The following TM6SF1 variants were observed in gnomAD, a reference collection of about 807,000 sequenced individuals.
The protein encoded by TM6SF1 is transmembrane 6 superfamily member 1.
Under a neutral mutation model 47.1 loss-of-function variants are expected in TM6SF1, and 43 were observed. That is an observed-to-expected ratio of 0.91 (90% CI 0.72 to 1.18). TM6SF1 has a LOEUF of 1.18. Among genes scored for constraint, TM6SF1 ranks in the 50% most tolerant of loss-of-function variants. TM6SF1 has a pLI of 0.00. For missense variants in TM6SF1, 390 were observed against 449.0 expected (o/e 0.87, Z 1.19); for synonymous variants, 177 against 166.3 (o/e 1.06, Z -0.49).
intron 3 of TM6SF1, among the ~76,000 whole-genome samples, chr15:83,116,591 G>A (rs1165463245): frequency 6.6e-6 from 1 of 152,214 alleles, no homozygotes; most frequent in Non-Finnish European, 1.5e-5. Context: ...TCCTGTCTGT[G>A]AGGGAAGATT....
chr15:83,119,505 T>G, intron 3 of TM6SF1, 73 bp from the exon 4 acceptor site: 1 of 1,443,204 alleles, frequency 6.9e-7, no homozygotes, highest in Non-Finnish European at 9.6e-7. Context: ...TTTATTTTAC[T>G]TGCAATACAG....
intron 1 of TM6SF1, among the ~76,000 whole-genome samples, chr15:83,109,595 A>G (rs979975505): frequency 2.6e-5 from 4 of 152,218 alleles, no homozygotes; most frequent in South Asian, 2.1e-4. Flanking sequence ...CTGCTTCCCC[A>G]TAAGTCCTGG....
At chr15:83,134,800 A>G (rs139459722) in intron 9 of TM6SF1, 2 of 152,336 alleles carry the variant, frequency 1.3e-5, no homozygotes, top group Admixed American at 1.3e-4. Flanking sequence ...TCCAGAGAAA[A>G]TGCTTGGTTA....
chr15:83,116,841 A>G (rs1470795143), intron 3 of TM6SF1, among the ~76,000 whole-genome samples: 1 of 152,228 alleles, frequency 6.6e-6, no homozygotes, highest in Non-Finnish European at 1.5e-5. Flanking sequence ...GGCCTAAGAC[A>G]GTGTCCTGAT....
intron 1 of TM6SF1, among the ~76,000 whole-genome samples, chr15:83,109,475 T>G (rs923163923): frequency 6.6e-6 from 1 of 152,224 alleles, no homozygotes; most frequent in African/African-American, 2.4e-5. Flanking sequence ...TGGCAAGCAC[T>G]ACAGCATTTT....
In TM6SF1 at chr15:83,136,617, G is replaced by A; in HGVS notation, c.1058G>A (p.Cys353Tyr). 1 of 1,612,012 alleles carries A rather than the reference G, an allele frequency of 6.2e-7. No homozygotes were observed. The highest frequency in any genetic ancestry group is 2.2e-5 in the East Asian group (1 of 44,846). Reference sequence around the variant, plus strand: ...CTTCCTCAGCTCTTGGCCTATCGTTGTATCTACAAACCAGAGTTCTTCATA... The same window carrying A: ...CTTCCTCAGCTCTTGGCCTATCGTTATATCTACAAACCAGAGTTCTTCATA... ...GVLPQLLAYR[C>Y]IYKPEFFIKT... The change falls in exon 10 of 10, where the codon TGT becomes TAT. Residue 353 changes from cysteine (C) to tyrosine (Y), a missense_variant. Coordinates refer to ENST00000322019, the MANE Select transcript of TM6SF1 (RefSeq NM_023003.5).
chr15:83,117,690 A>G (rs1361044049), intron 3 of TM6SF1, among the ~76,000 whole-genome samples: 1 of 152,094 alleles, frequency 6.6e-6, no homozygotes, highest in East Asian at 1.9e-4. Flanking sequence ...CAAGGTCTGC[A>G]GGGCCAGGCT....
chr15:83,117,921 A>C (rs2034824762), intron 3 of TM6SF1, among the ~76,000 whole-genome samples: 1 of 152,124 alleles, frequency 6.6e-6, no homozygotes, highest in African/African-American at 2.4e-5. Flanking sequence ...GGCTAGACCT[A>C]ATGCTGTGAA....
intron 3 of TM6SF1, among the ~76,000 whole-genome samples, chr15:83,119,190 T>C (rs148119321): frequency 6.5e-4 from 99 of 152,364 alleles, no homozygotes; most frequent in African/African-American, 2.3e-3. Context: ...CCACTGGTTC[T>C]GGAAAGCAGG....
At chr15:83,108,553 C>T (rs1362000767) in intron 1 of TM6SF1, among the ~76,000 whole-genome samples, 4 of 152,168 alleles carry the variant, frequency 2.6e-5, no homozygotes, top group African/African-American at 9.7e-5. Context: ...GAAGCCCTGC[C>T]TCCCACTCCA....
intron 9 of TM6SF1, chr15:83,132,699 G>A (rs1427010833): frequency 6.6e-6 from 1 of 152,070 alleles, no homozygotes; most frequent in Non-Finnish European, 1.5e-5. Flanking sequence ...CAGCCTGGAA[G>A]TAAATTTCAT....
chr15:83,131,954 TG>T (rs1215689089), intron 9 of TM6SF1: 2 of 152,078 alleles, frequency 1.3e-5, no homozygotes, highest in Non-Finnish European at 2.9e-5. Flanking sequence ...TCAATGAAAA[TG>T]AAAAAAAGCC....
At chr15:83,136,078 G>A (rs2034617) in intron 9 of TM6SF1, 58,855 of 156,188 alleles carry the variant, frequency 0.38, 13,170 homozygotes, top group African/African-American at 0.64. Context: ...TTATTGGAAC[G>A]CAATTTGTGA....
At chr15:83,135,377 C>T (rs2036540450) in intron 9 of TM6SF1, 1 of 152,196 alleles carries the variant, frequency 6.6e-6, no homozygotes, top group African/African-American at 2.4e-5. Context: ...GTTCTTCATT[C>T]TTGTTACTTC....
In TM6SF1 at chr15:83,107,923, C is replaced by G. The variant is rs1010761924; in HGVS notation, c.92+151C>G. 24 of 1,289,874 alleles carry G rather than the reference C, an allele frequency of 1.9e-5. No homozygotes were observed. The African/African-American group carries it at 3.4e-4, about 18-fold the overall frequency. 79.9% of individuals were successfully genotyped at this position (1,289,874 alleles called of 1,614,324 possible). A position where few individuals can be genotyped will look rare whatever the true frequency, so the allele number is the denominator to read the frequency against. On this transcript the variant is annotated intron_variant, in intron 1 of 9. Transcript: ENST00000322019. The surrounding 1 kb of genome is among the most constrained non-coding windows in gnomAD (Gnocchi z 5.6). ...CAGGGGCTCCCCGCGCCTGGCCAGA[C>G]TAGGGGGGCGCCCCAGGGGTCGCAC...
chr15:83,117,414 T>C (rs1437758417), intron 3 of TM6SF1, among the ~76,000 whole-genome samples: 2 of 152,038 alleles, frequency 1.3e-5, no homozygotes, highest in Non-Finnish European at 2.9e-5. Flanking sequence ...GGAGAAGGGC[T>C]TGCCTATGAG....
intron 1 of TM6SF1, among the ~76,000 whole-genome samples, chr15:83,110,765 G>A (rs1029817643): frequency 2.6e-5 from 4 of 152,322 alleles, no homozygotes; most frequent in Middle Eastern, 3.4e-3. Context: ...CCCACAGGAG[G>A]AGCCTGGAGC....
At chr15:83,108,093 G>C (rs1226275703) in intron 1 of TM6SF1, among the ~76,000 whole-genome samples, 1 of 152,204 alleles carries the variant, frequency 6.6e-6, no homozygotes. Context: ...CCGGTGGGGA[G>C]CGGAACAAAC....
Position 83,126,613 on chromosome 15 carries a change from A to G in TM6SF1, c.709-142A>G, listed in dbSNP as rs2151375218. 13 of 618,836 alleles carry G rather than the reference A, an allele frequency of 2.1e-5. No individual in the cohort carries two copies. In the South Asian group the frequency reaches 2.5e-4, roughly 12 times the overall value. The allele number at this position is 618,836 out of a possible 1,614,324, so 38.3% of individuals were successfully genotyped here. The stretch of plus-strand genomic sequence containing the variant: ...TAGAACAAATCTGCAAAATATTTCC[A>G]TCATTGATGAGCCTCTACAATGCAT... On this transcript the variant is annotated intron_variant, in intron 7 of 9. Coordinates refer to ENST00000322019, the MANE Select transcript of TM6SF1 (RefSeq NM_023003.5).
Sources: allele counts gnomAD v4.1 joint callset (sites outside exome capture counted in the v4.1 genomes callset), GRCh38; gene constraint gnomAD v4.1.1; non-coding constraint Gnocchi (gnomAD v3.1); transcripts MANE v1.5; gene names NCBI Gene and HGNC (gene_info 2026-07-23, HGNC 2026-07-21).